The following ZNF81 variants were observed in gnomAD, a reference collection of about 807,000 sequenced individuals.
ZNF81 encodes the protein zinc finger protein 81.
Under a neutral mutation model 32.3 loss-of-function variants are expected in ZNF81, and 5 were observed. That is an observed-to-expected ratio of 0.15 (90% CI 0.08 to 0.33). ZNF81 has a LOEUF of 0.33. Among genes scored for constraint, ZNF81 ranks in the 10% least tolerant of loss-of-function variants. ZNF81 has a pLI of 1.00. For missense variants in ZNF81, 379 were observed against 479.8 expected, an observed-to-expected ratio of 0.79 and a Z score of 1.96; for synonymous variants, 163 against 166.8, an observed-to-expected ratio of 0.98 and a Z score of 0.17.
At position 47,921,260 on chromosome X, in the gene ZNF81, C is replaced by G. The variant is rs1266352909; in HGVS notation, c.*4628C>G. ...GGGACATTAACAAGTATGATACAAG[C>G]AGAGGCTTGAGAAGTGCCTGCACAA... On this transcript the variant is annotated 3_prime_UTR_variant, in exon 5 of 5. Coordinates refer to ENST00000338637, the MANE Select transcript of ZNF81 (RefSeq NM_007137.5). 3 of 110,601 alleles carry G rather than the reference C, an allele frequency of 2.7e-5. No individual in the cohort carries two copies. Among genetic ancestry groups the G allele is most frequent in the Non-Finnish European group, 5.7e-5 (3 of 52,983 alleles). 9.1% of individuals were successfully genotyped at this position (110,601 alleles called of 1,213,427 possible).
chrX:47,843,466 T>TC (rs1556880055), intron 1 of ZNF81, among the ~76,000 whole-genome samples: 3 of 106,081 alleles, frequency 2.8e-5, no homozygotes, highest in South Asian at 8.3e-4. Context: ...CACACACACA[T>TC]TCTTGACTCC....
In ZNF81 at chrX:47,921,417, A is replaced by T. The variant is rs973176122; in HGVS notation, c.*4785A>T. On this transcript the variant is annotated 3_prime_UTR_variant, in exon 5 of 5. Coordinates refer to ENST00000338637, the MANE Select transcript of ZNF81 (RefSeq NM_007137.5). The stretch of plus-strand genomic sequence containing the variant: ...GCAAAGACCAGCCATCCCAGTTGAG[A>T]TACCCTACACCAACCAGATTTTCAA... 1 of 109,801 alleles carries T rather than the reference A, an allele frequency of 9.1e-6. No homozygotes were observed. Among genetic ancestry groups the T allele is most frequent in the African/African-American group, 3.3e-5 (1 of 30,218 alleles). 9.0% of individuals were successfully genotyped at this position (109,801 alleles called of 1,213,427 possible).
chrX:47,849,067 T>C (rs2148006317), intron 2 of ZNF81, among the ~76,000 whole-genome samples: 1 of 112,376 alleles, frequency 8.9e-6, no homozygotes, highest in South Asian at 3.6e-4. Context: ...ATTTAAAATA[T>C]TTCAGTGAAA....
Position 47,915,136 on chromosome X carries a change from G to C in ZNF81, c.490G>C (p.Glu164Gln). ...CCTCAATAAGAAAATATTGAATACA[G>C]AGTGGGATTATGAATATAAAGACTT... is the stretch of plus-strand genomic sequence containing the variant. ...TFLNKKILNT[E>Q]WDYEYKDFGK... Residue 164 changes from glutamate (E) to glutamine (Q), a missense_variant, in exon 5 of 5, where the codon GAG (glutamate) becomes CAG (glutamine). This residue lies in a region of ZNF81 where 277 missense variants were observed against 306.6 expected (regional missense o/e 0.90). Transcript: ENST00000338637. The C allele has an allele frequency of 8.3e-7, 1 of 1,202,538 alleles. No individual in the cohort carries two copies. The highest frequency in any genetic ancestry group is 1.1e-6 in the Non-Finnish European group (1 of 892,363).
chrX:47,849,933 C>T (rs782573662), intron 2 of ZNF81, among the ~76,000 whole-genome samples: 1 of 111,793 alleles, frequency 8.9e-6, no homozygotes, highest in Non-Finnish European at 1.9e-5. Flanking sequence ...AATACAACTA[C>T]CCCTTACCAC....
intron 4 of ZNF81, 48 bp downstream of exon 4, chrX:47,895,988 T>C: frequency 5.0e-6 from 5 of 992,608 alleles, no homozygotes; most frequent in Non-Finnish European, 7.1e-6. Context: ...TAATTTTTTT[T>C]TTCCCTAAGG....
At chrX:47,878,443 C>A (rs907348596) in intron 2 of ZNF81, among the ~76,000 whole-genome samples, 3 of 112,306 alleles carry the variant, frequency 2.7e-5, no homozygotes, top group Non-Finnish European at 5.6e-5. Context: ...ACCTAGTGAA[C>A]CTCTCATGTT....
intron 2 of ZNF81, among the ~76,000 whole-genome samples, chrX:47,865,861 T>C (rs2058558111): frequency 1.8e-5 from 2 of 111,375 alleles, no homozygotes; most frequent in South Asian, 7.6e-4. Context: ...CTGAACTTCG[T>C]CAGAATTTAC....
intron 4 of ZNF81, among the ~76,000 whole-genome samples, chrX:47,902,370 A>C (rs375435657): frequency 8.9e-6 from 1 of 112,241 alleles, no homozygotes; most frequent in East Asian, 2.8e-4. Context: ...AGATTTTAAC[A>C]CACCTATTTC....
chrX:47,895,386 C>T (rs958511097), intron 3 of ZNF81, among the ~76,000 whole-genome samples: 3 of 111,308 alleles, frequency 2.7e-5, no homozygotes, highest in Admixed American at 1.9e-4. Flanking sequence ...TAAGAAGATA[C>T]GCAGGTAGAA....
rs367621062 is a variant in ZNF81, at chrX:47,841,728, T to C, written c.-163-4377T>C. The C allele has an allele frequency of 1.7e-4, 88 of 510,021 alleles. 3 individuals carry two copies. The highest frequency in any genetic ancestry group is 1.4e-3 in the East Asian group (42 of 29,570). 42.0% of individuals were successfully genotyped at this position (510,021 alleles called of 1,213,427 possible). On this transcript the variant is annotated intron_variant, in intron 1 of 4. Coordinates refer to ENST00000338637, the MANE Select transcript of ZNF81 (RefSeq NM_007137.5). ...CTTTCTAGTCGTGTCTTTTTTATCTTTGTCAATCTTGCTGGAGGATTACAA... is the reference window on the plus strand; with the variant it reads ...CTTTCTAGTCGTGTCTTTTTTATCTCTGTCAATCTTGCTGGAGGATTACAA...
chrX:47,902,854 G>A (rs1041018994), intron 4 of ZNF81, among the ~76,000 whole-genome samples: 6 of 111,415 alleles, frequency 5.4e-5, no homozygotes, highest in Admixed American at 1.9e-4. Flanking sequence ...AGGAGTTTGA[G>A]ACCAGCCTGG....
chrX:47,887,914 A>C, intron 2 of ZNF81, 85 bp from the exon 3 acceptor site: 2 of 1,138,147 alleles, frequency 1.8e-6, no homozygotes, highest in Non-Finnish European at 2.4e-6. Flanking sequence ...TATGATGAAA[A>C]AGTATCAAAA....
At chrX:47,859,822 G>C (rs1247167248) in intron 2 of ZNF81, among the ~76,000 whole-genome samples, 3 of 111,494 alleles carry the variant, frequency 2.7e-5, no homozygotes, top group African/African-American at 9.8e-5. Context: ...GACGTGAAGA[G>C]AGCCAGGTGA....
chrX:47,911,578 A>C (rs782075357), intron 4 of ZNF81, among the ~76,000 whole-genome samples: 1 of 111,930 alleles, frequency 8.9e-6, no homozygotes, highest in South Asian at 3.7e-4. Flanking sequence ...GGGGGATAAG[A>C]ATAGAATTTT....
chrX:47,923,680 A>G lies in ZNF81; in HGVS notation c.*7048A>G, dbSNP rs2058783566. On this transcript the variant is annotated 3_prime_UTR_variant, in exon 5 of 5. Coordinates refer to ENST00000338637, the MANE Select transcript of ZNF81 (RefSeq NM_007137.5). The stretch of plus-strand genomic sequence containing the variant: ...GGTGGTGTTACTTCACCATGAAGCA[A>G]TTTTTCTCATAGAAAAATATCAAGC... Among the ~76,000 whole-genome samples the G allele has an allele frequency of 8.9e-6, 1 of 112,025 alleles. No individual in the cohort carries two copies. Among genetic ancestry groups the G allele is most frequent in the Admixed American group, 9.4e-5 (1 of 10,615 alleles).
chrX:47,840,714 G>A (rs1375033841), intron 1 of ZNF81, among the ~76,000 whole-genome samples: 1 of 110,727 alleles, frequency 9.0e-6, no homozygotes, highest in Non-Finnish European at 1.9e-5. Context: ...CTCCATGTTG[G>A]TCAGGCTGGT....
intron 3 of ZNF81, among the ~76,000 whole-genome samples, chrX:47,895,174 G>A (rs889019463): frequency 9.0e-6 from 1 of 111,006 alleles, no homozygotes; most frequent in East Asian, 2.8e-4. Context: ...CCTACCCCTC[G>A]ATACTTCAGA....
Position 47,918,979 on chromosome X carries a change from C to A in ZNF81, c.*2347C>A, listed in dbSNP as rs370458697. 2.3e-5 allele frequency: 6 copies of A among 258,070 alleles called. No homozygotes were observed. In the East Asian group the frequency reaches 6.2e-4, roughly 27 times the overall value. 21.3% of individuals were successfully genotyped at this position (258,070 alleles called of 1,213,427 possible). A position where few individuals can be genotyped will look rare whatever the true frequency, so the allele number is the denominator to read the frequency against. ...TGGGTGTATGTTGGGGGGCATGTAA[C>A]TTGTCATTTAGCTCACAGGTATCTG... is the stretch of plus-strand genomic sequence containing the variant. On this transcript the variant is annotated 3_prime_UTR_variant, in exon 5 of 5. Transcript: ENST00000338637.
Sources: gnomAD v4.1 joint callset for allele counts (sites outside exome capture counted in the v4.1 genomes callset) on GRCh38, gnomAD v4.1.1 for gene constraint, gnomAD v4.1.1 regional missense constraint, MANE v1.5 for transcripts, NCBI Gene and HGNC (gene_info 2026-07-23, HGNC 2026-07-21) for gene names.